The following DLEC1 variants were observed in gnomAD, a reference collection of about 807,000 sequenced individuals.
DLEC1 encodes deleted in lung and esophageal cancer protein 1.
DLEC1 carries 146 observed loss-of-function variants against 198.1 expected under a neutral mutation model. That is an observed-to-expected ratio of 0.74 (90% CI 0.64 to 0.85). The LOEUF is 0.85. Ranked by LOEUF, DLEC1 falls within the 40% of genes least tolerant of loss-of-function variation. DLEC1 has a pLI of 0.00. For missense variants in DLEC1, 2,233 were observed against 2,220.0 expected (o/e 1.01, Z -0.12); for synonymous variants, 897 against 866.8 (o/e 1.03, Z -0.61).
rs1276581380 is a variant in DLEC1, at chr3:38,092,809, G to A, written c.1685G>A (p.Ser562Asn). The A allele has an allele frequency of 3.1e-6, 5 of 1,614,150 alleles. No homozygotes were observed. Among genetic ancestry groups the A allele is most frequent in the East Asian group, 4.5e-5 (2 of 44,882 alleles). ...ILVEVLFSPK[S>N]LGKAEQTFII... ...CCCCAGGTCTTGTTTTCCCCAAAGA[G>A]CCTAGGAAAGGCAGAGCAGACCTTC... is the stretch of plus-strand genomic sequence containing the variant. The change falls in exon 11 of 37, where the codon AGC (serine) becomes AAC (asparagine). Residue 562 changes from serine (S) to asparagine (N), a missense_variant. By Grantham distance (46) the Ser-to-Asn change is conservative (BLOSUM62 1). Transcript: ENST00000308059.
chr3:38,093,287 C>CCCACCCTCTCTT (rs1559439453), intron 11 of DLEC1, among the ~76,000 whole-genome samples: 1 of 151,876 alleles, frequency 6.6e-6, no homozygotes, highest in Non-Finnish European at 1.5e-5. Context: ...CCCTGGCCGC[C>CCCACCCTCTCTT]CCTCCCTCTC....
intron 6 of DLEC1, 48 bp from the exon 7 acceptor site, chr3:38,084,110 C>A: frequency 6.5e-7 from 1 of 1,541,362 alleles, no homozygotes; most frequent in Non-Finnish European, 9.0e-7. Flanking sequence ...CGTATCATTT[C>A]GTCTATAAGT....
chr3:38,062,840 C>T, intron 5 of DLEC1, 39 bp downstream of exon 5: 2 of 1,601,282 alleles, frequency 1.2e-6, no homozygotes, highest in Middle Eastern at 1.7e-4. Context: ...GAAAACCTGG[C>T]CCATGAGAGT....
intron 2 of DLEC1, among the ~76,000 whole-genome samples, chr3:38,055,140 C>A (rs1575394119): frequency 6.6e-6 from 1 of 152,132 alleles, no homozygotes; most frequent in Admixed American, 6.5e-5. Context: ...GACTAGAGAG[C>A]CAAAGAGATA....
Position 38,085,424 on chromosome 3 carries a change from G to A in DLEC1, c.1412G>A (p.Arg471Gln), listed in dbSNP as rs776453700. 3.7e-5 allele frequency: 59 copies of A among 1,613,748 alleles called. No homozygotes were observed. Among genetic ancestry groups the A allele is most frequent in the East Asian group, 1.8e-4 (8 of 44,878 alleles). Residue 471 changes from arginine (R) to glutamine (Q), a missense_variant, in exon 8 of 37, where the codon CGG becomes CAG. Physicochemically the swap from Arg to Gln is conservative, Grantham distance 43. Transcript: ENST00000308059. ...AHTLLIPLQA[R>Q]RPPPVLTLSP... Reference sequence around the variant, plus strand: ...ACACTTCTGATCCCCCTGCAGGCCCGGAGGCCGCCCCCCGTGCTGACATGT... The same window carrying A: ...ACACTTCTGATCCCCCTGCAGGCCCAGAGGCCGCCCCCCGTGCTGACATGT...
chr3:38,059,825 A>T lies in DLEC1; in HGVS notation c.646A>T (p.Thr216Ser), dbSNP rs1696585705. 1.2e-6 allele frequency: 2 copies of T among 1,614,070 alleles called. No homozygotes were observed. Among genetic ancestry groups the T allele is most frequent in the African/African-American group, 1.3e-5 (1 of 74,942 alleles). Residue 216 changes from threonine (T) to serine (S), a missense_variant, in exon 3 of 37, where the codon ACA becomes TCA. By Grantham distance (58) the Thr-to-Ser change is moderately conservative. Coordinates refer to ENST00000308059, the MANE Select transcript of DLEC1 (RefSeq NM_007335.4). The part of the protein sequence containing the change: ...LISPEDYYTD[T>S]VPFHSAPKGI... ...CTCCCCAGAAGATTACTACACCGAT[A>T]CAGTGCCGTTTCACTCTGCACCTAA...
chr3:38,121,397 G>A (rs1462872892), intron 34 of DLEC1, among the ~76,000 whole-genome samples: 1 of 152,206 alleles, frequency 6.6e-6, no homozygotes, highest in East Asian at 1.9e-4. Context: ...TTATGAGTTA[G>A]GGAGGCAGGG....
At position 38,062,567 on chromosome 3, in the gene DLEC1, T is replaced by C; in HGVS notation, c.874-14T>C. The C allele has an allele frequency of 6.2e-6, 10 of 1,613,944 alleles. No individual in the cohort carries two copies. Among genetic ancestry groups the C allele is most frequent in the Non-Finnish European group, 8.5e-6 (10 of 1,179,886 alleles). On this transcript the variant is annotated splice_polypyrimidine_tract_variant and intron_variant, in intron 4 of 36. Coordinates refer to ENST00000308059, the MANE Select transcript of DLEC1 (RefSeq NM_007335.4). ...TTGCCTGTCATTGACTCTATGCTTT[T>C]GTATGTTTCAAAGAAAGCAAGTCAA...
rs1700282344 is a variant in DLEC1, at chr3:38,118,133, T to C, written c.4704+109T>C. ...TGCTTGTACCCAGACGCAAACTGCA[T>C]GCCTGACCCTGCCATACCCTGCATG... On this transcript the variant is annotated intron_variant, in intron 33 of 36. Transcript: ENST00000308059. 3.3e-6 allele frequency: 4 copies of C among 1,204,680 alleles called. No homozygotes were observed. The African/African-American group carries it at 4.5e-5, about 14-fold the overall frequency. 74.6% of individuals were successfully genotyped at this position (1,204,680 alleles called of 1,614,324 possible).
At chr3:38,065,340 G>C (rs1696968624) in intron 6 of DLEC1, among the ~76,000 whole-genome samples, 1 of 148,240 alleles carries the variant, frequency 6.7e-6, no homozygotes, top group African/African-American at 2.6e-5. Context: ...GAGGGAGAGG[G>C]AGAGGGAGGA....
intron 6 of DLEC1, among the ~76,000 whole-genome samples, chr3:38,071,788 T>C (rs2125635370): frequency 6.6e-6 from 1 of 152,334 alleles, no homozygotes; most frequent in Non-Finnish European, 1.5e-5. Context: ...CCTTGTGTAG[T>C]GAGGGAGCCT....
chr3:38,121,885 C>T lies in DLEC1; in HGVS notation c.5020+104C>T, dbSNP rs530482197. Reference sequence around the variant, plus strand: ...GTGCGCCGTCCCTGCATGCTGGCTCCCAGGGCAGGCACCACTTGGAATTTC... The same window carrying T: ...GTGCGCCGTCCCTGCATGCTGGCTCTCAGGGCAGGCACCACTTGGAATTTC... On this transcript the variant is annotated intron_variant, in intron 35 of 36. Coordinates refer to ENST00000308059, the MANE Select transcript of DLEC1 (RefSeq NM_007335.4). 146 of 1,519,576 alleles carry T rather than the reference C, an allele frequency of 9.6e-5. No homozygotes were observed. The East Asian group carries it at 3.3e-3, about 34-fold the overall frequency. 94.1% of individuals were successfully genotyped at this position (1,519,576 alleles called of 1,614,324 possible).
rs1222374010 is a variant in DLEC1 at position 38,085,432 on chromosome 3, C to T, written c.1420C>T (p.Pro474Ser). The change falls in exon 8 of 37, where the codon CCC becomes TCC. Residue 474 changes from proline (P) to serine (S), a missense_variant. Transcript: ENST00000308059. ...GATCCCCCTGCAGGCCCGGAGGCCG[C>T]CCCCCGTGCTGACATGTGAGTGTGC... Reference protein sequence around the residue: ...LLIPLQARRPPPVLTLSPVLD... With the variant: ...LLIPLQARRPSPVLTLSPVLD... The T allele has an allele frequency of 1.2e-6, 2 of 1,613,790 alleles. No individual in the cohort carries two copies. The highest frequency in any genetic ancestry group is 2.2e-5 in the South Asian group (2 of 91,082).
intron 18 of DLEC1, among the ~76,000 whole-genome samples, chr3:38,098,772 G>A (rs1699160118): frequency 6.6e-6 from 1 of 152,164 alleles, no homozygotes; most frequent in Non-Finnish European, 1.5e-5. Flanking sequence ...CAGGAAAGTG[G>A]GCTTTCCTTT....
At chr3:38,085,927 C>T (rs1253310582) in intron 8 of DLEC1, among the ~76,000 whole-genome samples, 1 of 152,218 alleles carries the variant, frequency 6.6e-6, no homozygotes, top group Non-Finnish European at 1.5e-5. Flanking sequence ...ATCCCCCTTA[C>T]TTCTGCCATA....
At position 38,116,661 on chromosome 3, in the gene DLEC1, G is replaced by A; in HGVS notation, c.4062+3G>A. On this transcript the variant is annotated splice_donor_region_variant and intron_variant, in intron 28 of 36. Coordinates refer to ENST00000308059, the MANE Select transcript of DLEC1 (RefSeq NM_007335.4). ...TCAGCCATGAAACTGACTCATCAGT[G>A]AGCAGGGGTGGAGGGGCGGGGCAGG... 1.2e-6 allele frequency: 2 copies of A among 1,613,990 alleles called. No individual in the cohort carries two copies. The highest frequency in any genetic ancestry group is 1.7e-6 in the Non-Finnish European group (2 of 1,179,878).
chr3:38,109,663 T>A, intron 22 of DLEC1, 101 bp downstream of exon 22: 1 of 1,565,856 alleles, frequency 6.4e-7, no homozygotes, highest in Non-Finnish European at 8.7e-7. Flanking sequence ...TGCGCCCATC[T>A]GATTCCTGCA....
chr3:38,104,032 T>C (rs1699441895), intron 19 of DLEC1, among the ~76,000 whole-genome samples: 1 of 152,208 alleles, frequency 6.6e-6, no homozygotes, highest in African/African-American at 2.4e-5. Flanking sequence ...ATGACATTGA[T>C]AGGCTTGCTC....
At chr3:38,040,150 C>G (rs1047405435) in intron 1 of DLEC1, among the ~76,000 whole-genome samples, 1 of 152,192 alleles carries the variant, frequency 6.6e-6, no homozygotes, top group African/African-American at 2.4e-5. Context: ...GGCCACACTA[C>G]TGAAGACTCC....
Sources: gnomAD v4.1 joint callset for allele counts (sites outside exome capture counted in the v4.1 genomes callset) on GRCh38, gnomAD v4.1.1 for gene constraint, MANE v1.5 for transcripts, NCBI Gene and HGNC (gene_info 2026-07-23, HGNC 2026-07-21) for gene names.